Variants in FBXO46 observed in about 807,000 individuals in gnomAD.
FBXO46 encodes F-box only protein 46.
FBXO46 carries 13 observed loss-of-function variants against 30.7 expected under a neutral mutation model. That is an observed-to-expected ratio of 0.42 (90% CI 0.28 to 0.67). FBXO46 has a LOEUF of 0.67. Ranked by LOEUF, FBXO46 falls within the 30% of genes least tolerant of loss-of-function variation. FBXO46 has a pLI of 0.21. For synonymous variants in FBXO46, 467 were observed against 385.8 expected, an observed-to-expected ratio of 1.21 and a Z score of -2.47; for missense variants, 754 against 871.5, an observed-to-expected ratio of 0.87 and a Z score of 1.70.
At chr19:45,717,548 A>G (rs1376889332) in intron 1 of FBXO46, among the ~76,000 whole-genome samples, 1 of 152,198 alleles carries the variant, frequency 6.6e-6, no homozygotes, top group Non-Finnish European at 1.5e-5. Context: ...TGGGGTAGAC[A>G]CAGCCGGATG....
chr19:45,722,688 G>A (rs911326097), intron 1 of FBXO46, among the ~76,000 whole-genome samples: 1 of 152,054 alleles, frequency 6.6e-6, no homozygotes, highest in African/African-American at 2.4e-5. Flanking sequence ...CGTGAACCCG[G>A]GAGGCGGAGC....
upstream of FBXO46, among the ~76,000 whole-genome samples, chr19:45,732,266 C>CGGGTT (rs756020382): frequency 6.6e-6 from 1 of 152,068 alleles, no homozygotes; most frequent in Non-Finnish European, 1.5e-5. Context: ...ACAGACAACC[C>CGGGTT]TGGTAGGAAT....
rs749731576 is a variant in FBXO46 at position 45,713,188 on chromosome 19, A to G, written c.308T>C (p.Phe103Ser). 6.2e-7 allele frequency: 1 copy of G among 1,613,786 alleles called. No individual in the cohort carries two copies. The change falls in exon 2 of 2, where the codon TTC (phenylalanine) becomes TCC (serine). Residue 103 changes from phenylalanine to serine, a missense_variant. Physicochemically the swap from Phe to Ser is radical, Grantham distance 155. Coordinates refer to ENST00000317683, the MANE Select transcript of FBXO46 (RefSeq NM_001080469.2). This position sits in a 1 kb window ranked among gnomAD's most constrained non-coding sequence, Gnocchi z 4.7. The stretch of plus-strand genomic sequence containing the variant: ...CCCACCACACTGGTGGGCCACAAAG[A>G]AGGCCACCTTCTCCTTTGTATTCCC... ...KPGNTKEKVA[F>S]FVAHQCGGGS...
chr19:45,717,321 G>A (rs562403535), intron 1 of FBXO46: 7 of 152,320 alleles, frequency 4.6e-5, no homozygotes, highest in South Asian at 2.1e-4. Flanking sequence ...GCGCGCGAAA[G>A]GTAAAAGGGC....
chr19:45,718,440 C>T (rs2146152301), intron 1 of FBXO46, among the ~76,000 whole-genome samples: 2 of 152,202 alleles, frequency 1.3e-5, no homozygotes, highest in Middle Eastern at 3.4e-3. Flanking sequence ...CCCAATCCCC[C>T]TAGGCCAGGT....
rs397954439 is a variant in FBXO46 at position 45,718,942 on chromosome 19, T to TAA, written c.-78-5371_-78-5370dup. 3.9e-3 allele frequency among the ~76,000 whole-genome samples: 465 copies of TAA among 119,372 alleles called. 6 individuals are homozygous for TAA. Among genetic ancestry groups the TAA allele is most frequent in the African/African-American group, 0.012 (391 of 31,798 alleles). 78.3% of individuals were successfully genotyped at this position (119,372 alleles called of 152,430 possible). On this transcript the variant is annotated intron_variant, in intron 1 of 1. Coordinates refer to ENST00000317683, the MANE Select transcript of FBXO46 (RefSeq NM_001080469.2). ...CAAGTAGAGGAGTAACATTACCCCT[T>TAA]AAAAAAAAAAAAAAAAAAACTTGGC...
At chr19:45,725,189 G>C (rs546607954) in intron 1 of FBXO46, among the ~76,000 whole-genome samples, 1 of 151,942 alleles carries the variant, frequency 6.6e-6, no homozygotes, top group South Asian at 2.1e-4. Flanking sequence ...GGCTGAAGTG[G>C]GTAGATCACT....
In FBXO46 at chr19:45,713,060, CAGG is replaced by C; in HGVS notation, c.433_435del (p.Pro145del). The C allele has an allele frequency of 6.4e-7, 1 of 1,574,748 alleles. No individual in the cohort carries two copies. Among genetic ancestry groups the C allele is most frequent in the Non-Finnish European group, 8.6e-7 (1 of 1,162,344 alleles). ...GGGGGGCCCTCCCGGCCCCCTGGGT[CAGG>C]AGGAGCCTTGGTGGGGTCAAGACAG... On this transcript the variant is annotated inframe_deletion, in exon 2 of 2. Transcript: ENST00000317683. This position sits in a 1 kb window ranked among gnomAD's most constrained non-coding sequence, Gnocchi z 4.7.
rs17851943 is a variant in FBXO46 at position 45,711,633 on chromosome 19, G to A, written c.*51C>T. On this transcript the variant is annotated 3_prime_UTR_variant, in exon 2 of 2. Transcript: ENST00000317683. The stretch of plus-strand genomic sequence containing the variant: ...CCAGTCCGGACCCTCGGCTCCCGGG[G>A]GGAGAGGGGAGGGGTGGGCGTGGTG... 3.6e-4 allele frequency: 498 copies of A among 1,398,366 alleles called. 3 individuals are homozygous for A. The African/African-American group carries it at 6.3e-3, about 18-fold the overall frequency. 86.6% of individuals were successfully genotyped at this position (1,398,366 alleles called of 1,614,324 possible). A position where few individuals can be genotyped will look rare whatever the true frequency, so the allele number is the denominator to read the frequency against.
chr19:45,725,579 T>A (rs942045781), intron 1 of FBXO46, among the ~76,000 whole-genome samples: 37 of 150,558 alleles, frequency 2.5e-4, no homozygotes, highest in Non-Finnish European at 4.3e-4. Flanking sequence ...AAAATTTTTT[T>A]AAAAATTAGC....
At chr19:45,728,798 T>C (rs749450164) in intron 1 of FBXO46, among the ~76,000 whole-genome samples, 25 of 152,084 alleles carry the variant, frequency 1.6e-4, no homozygotes, top group Non-Finnish European at 2.9e-4. Context: ...ATTGCGCCAC[T>C]GCATTCCAGC....
intron 1 of FBXO46, among the ~76,000 whole-genome samples, chr19:45,723,807 G>A (rs1020197512): frequency 2.0e-5 from 3 of 151,942 alleles, no homozygotes; most frequent in Non-Finnish European, 2.9e-5. Context: ...CTACAGGCGT[G>A]CGCCACCACG....
chr19:45,712,092 C>A lies in FBXO46; in HGVS notation c.1404G>T (p.Glu468Asp), dbSNP rs1250395651. Residue 468 changes from glutamate (E) to aspartate (D), a missense_variant, in exon 2 of 2, where the codon GAG becomes GAT. Physicochemically the swap from Glu to Asp is conservative, Grantham distance 45 (BLOSUM62 2). This residue lies in a region of FBXO46 where 162 missense variants were observed against 258.7 expected (regional missense o/e 0.63). Transcript: ENST00000317683. This position sits in a 1 kb window ranked among gnomAD's most constrained non-coding sequence, Gnocchi z 8.8. ...EIRFKIQRLL[E>D]PRQYMLLLPE... ...GCAGCAGCAGCATGTACTGTCGCGG[C>A]TCCAGCAGCCGCTGAATCTTGAAGC... 6.2e-7 allele frequency: 1 copy of A among 1,603,676 alleles called. No homozygotes were observed. Among genetic ancestry groups the A allele is most frequent in the Non-Finnish European group, 8.5e-7 (1 of 1,176,104 alleles).
In FBXO46 at chr19:45,713,040, G is replaced by T. The variant is rs750164936; in HGVS notation, c.456C>A (p.Gly152=). 3.8e-6 allele frequency: 6 copies of T among 1,558,604 alleles called. No homozygotes were observed. Among genetic ancestry groups the T allele is most frequent in the South Asian group, 2.4e-5 (2 of 84,822 alleles). Residue 152 remains glycine, a synonymous_variant, in exon 2 of 2, where the codon GGC becomes GGA. Coordinates refer to ENST00000317683, the MANE Select transcript of FBXO46 (RefSeq NM_001080469.2). The surrounding 1 kb of genome is among the most constrained non-coding windows in gnomAD (Gnocchi z 4.7). ...CGGGGCCCTCCTCAGCAGCAGGGGG[G>T]CCCTCCCGGCCCCCTGGGTCAGGAG... ...KAPPDPGGRE[G]PPAAEEGPAS...
intron 1 of FBXO46, chr19:45,714,450 C>T (rs1968057041): frequency 6.6e-6 from 1 of 151,866 alleles, no homozygotes; most frequent in African/African-American, 2.4e-5. Flanking sequence ...AAATGCACAC[C>T]CTTGCAAAGA....
In FBXO46 at chr19:45,713,025, C is replaced by T. The variant is rs759735318; in HGVS notation, c.471G>A (p.Glu157=). 3 of 1,557,930 alleles carry T rather than the reference C, an allele frequency of 1.9e-6. No individual in the cohort carries two copies. The South Asian group carries it at 3.5e-5, about 18-fold the overall frequency. Residue 157 remains glutamate, a synonymous_variant, in exon 2 of 2, where the codon GAG becomes GAA. Transcript: ENST00000317683. The surrounding 1 kb of genome is among the most constrained non-coding windows in gnomAD (Gnocchi z 4.7). ...CCTCACCGGCTGAGGCGGGGCCCTC[C>T]TCAGCAGCAGGGGGGCCCTCCCGGC... The part of the protein sequence containing the change: ...PGGREGPPAA[E]EGPASAGEDV...
intron 1 of FBXO46, chr19:45,717,476 T>C (rs1200576197): frequency 6.6e-5 from 10 of 152,244 alleles, no homozygotes; most frequent in African/African-American, 1.4e-4. Context: ...AAGGCAGGCC[T>C]TGGCGAAGGG....
At position 45,711,221 on chromosome 19, in the gene FBXO46, C is replaced by T. The variant is rs1967953361; in HGVS notation, c.*463G>A. The T allele has an allele frequency of 2.3e-6, 1 of 425,944 alleles. No individual in the cohort carries two copies. The highest frequency in any genetic ancestry group is 3.2e-5 in the Admixed American group (1 of 31,078). 26.4% of individuals were successfully genotyped at this position (425,944 alleles called of 1,614,324 possible). A position where few individuals can be genotyped will look rare whatever the true frequency, so the allele number is the denominator to read the frequency against. On this transcript the variant is annotated 3_prime_UTR_variant, in exon 2 of 2. Transcript: ENST00000317683. The stretch of plus-strand genomic sequence containing the variant: ...TAGAGAGGTGAGAGCTGTCGTGTGG[C>T]AGGTTAGGAGAGGTGCCAACCTTGG...
At chr19:45,731,961 C>CA (rs1266408485), upstream of FBXO46, among the ~76,000 whole-genome samples, 3 of 151,600 alleles carry the variant, frequency 2.0e-5, no homozygotes, top group Admixed American at 1.3e-4. Context: ...ACTAAAAATA[C>CA]AAAAAATTAG....
Sources: gnomAD v4.1 joint callset for allele counts (sites outside exome capture counted in the v4.1 genomes callset) on GRCh38, gnomAD v4.1.1 for gene constraint, gnomAD v4.1.1 regional missense constraint, Gnocchi (gnomAD v3.1) non-coding constraint, MANE v1.5 for transcripts, NCBI Gene and HGNC (gene_info 2026-07-23, HGNC 2026-07-21) for gene names.